The following TOMM20 variants were observed in gnomAD, a reference collection of about 807,000 sequenced individuals.
TOMM20 encodes mitochondrial import receptor subunit TOM20 homolog.
In TOMM20, 10 loss-of-function variants were observed where a neutral mutation model predicts 22.1. That is an observed-to-expected ratio of 0.45 (90% CI 0.28 to 0.77). The LOEUF (loss-of-function observed/expected upper bound fraction) is 0.77, where lower values mean the gene tolerates loss of function less well. Among genes scored for constraint, TOMM20 ranks in the 30% least tolerant of loss-of-function variants. TOMM20 has a pLI of 0.13. For missense variants in TOMM20, 121 were observed against 172.2 expected (o/e 0.70, Z 1.66); for synonymous variants, 55 against 61.4 (o/e 0.90, Z 0.49).
intron 1 of TOMM20, among the ~76,000 whole-genome samples, chr1:235,126,618 T>C (rs1319863314): frequency 2.6e-5 from 4 of 151,700 alleles, no homozygotes. Context: ...ACCTGGCCAA[T>C]ATGGTGAAAC....
chr1:235,127,707 T>C, intron 1 of TOMM20: 1 of 350,648 alleles, frequency 2.9e-6, no homozygotes, highest in Non-Finnish European at 5.8e-6. Flanking sequence ...GCAACAAATT[T>C]GCTCTTCAAT....
At chr1:235,124,880 T>C (rs534804035) in intron 1 of TOMM20, among the ~76,000 whole-genome samples, 2 of 152,330 alleles carry the variant, frequency 1.3e-5, no homozygotes, top group Non-Finnish European at 2.9e-5. Context: ...AAGGGACAGA[T>C]GGTAATCAAC....
chr1:235,126,081 AG>A (rs1661014009), intron 1 of TOMM20, among the ~76,000 whole-genome samples: 1 of 151,044 alleles, frequency 6.6e-6, no homozygotes, highest in African/African-American at 2.4e-5. Context: ...ATAGATAGAT[AG>A]ATAGATAAAG....
chr1:235,121,722 C>T (rs3935897), intron 2 of TOMM20, among the ~76,000 whole-genome samples: 20,929 of 152,218 alleles, frequency 0.14, 1,874 homozygotes, highest in Non-Finnish European at 0.19. Context: ...CAATGATTAA[C>T]ATTTACTTAA....
chr1:235,112,862 A>G (rs925546670), intron 4 of TOMM20, among the ~76,000 whole-genome samples: 1 of 152,236 alleles, frequency 6.6e-6, no homozygotes, highest in Non-Finnish European at 1.5e-5. Context: ...CGATGATTCC[A>G]GTATGAATCC....
chr1:235,113,479 A>G (rs771286234), intron 4 of TOMM20, among the ~76,000 whole-genome samples: 4 of 152,170 alleles, frequency 2.6e-5, no homozygotes, highest in Non-Finnish European at 5.9e-5. Context: ...CTACTTGTAG[A>G]AAGTAGCCAA....
chr1:235,125,896 C>T (rs530197082), intron 1 of TOMM20, among the ~76,000 whole-genome samples: 2 of 150,314 alleles, frequency 1.3e-5, no homozygotes, highest in South Asian at 2.1e-4. Context: ...ACTACAGGTG[C>T]GTGCCACCAC....
Position 235,128,670 on chromosome 1 carries a change from G to A in TOMM20, c.46C>T (p.Leu16Phe). 1 of 1,614,104 alleles carries A rather than the reference G, an allele frequency of 6.2e-7. No individual in the cohort carries two copies. The highest frequency in any genetic ancestry group is 1.7e-5 in the Admixed American group (1 of 60,038). The change falls in exon 1 of 5, where the codon CTT becomes TTT. Residue 16 changes from leucine (L) to phenylalanine (F), a missense_variant. By Grantham distance (22) the Leu-to-Phe change is conservative (BLOSUM62 0). Coordinates refer to ENST00000366607, the MANE Select transcript of TOMM20 (RefSeq NM_014765.3). The stretch of plus-strand genomic sequence containing the variant: ...AAGTAGATGCAGTACCCAATGAAAA[G>A]GGCCCCGCATACACCGGCGGCGATG... ...SAIAAGVCGALFIGYCIYFDR... is the reference protein window; with the variant it reads ...SAIAAGVCGAFFIGYCIYFDR...
intron 1 of TOMM20, among the ~76,000 whole-genome samples, chr1:235,127,607 C>A (rs4329572): frequency 0.71 from 108,645 of 152,182 alleles, 39,681 homozygotes; most frequent in African/African-American, 0.85. Context: ...TTCTTTGTAC[C>A]CCTTGGGCTT....
chr1:235,121,969 T>C (rs996941592), intron 2 of TOMM20, among the ~76,000 whole-genome samples: 2 of 152,186 alleles, frequency 1.3e-5, no homozygotes, highest in Admixed American at 6.5e-5. Flanking sequence ...TTACAGGAAG[T>C]TGGAGTAAAG....
chr1:235,124,845 AG>A lies in TOMM20; in HGVS notation c.122-2474del, dbSNP rs1285956470. Among the ~76,000 whole-genome samples the A allele has an allele frequency of 5.9e-5, 9 of 152,382 alleles. No homozygotes were observed. The East Asian group carries it at 1.5e-3, about 26-fold the overall frequency. On this transcript the variant is annotated intron_variant, in intron 1 of 4. Coordinates refer to ENST00000366607, the MANE Select transcript of TOMM20 (RefSeq NM_014765.3). ...ATTACATTAACATATTTTCAGATAT[AG>A]TATAATGCAGTATTTCTGTGATAAA... is the stretch of plus-strand genomic sequence containing the variant.
chr1:235,117,443 G>A lies in TOMM20; in HGVS notation c.250+2375C>T, dbSNP rs1660854378. ...ACTGCACTCCACCCACTGCACTCTG[G>A]GTGACAGAGTAAAACTCCACTTCAA... On this transcript the variant is annotated intron_variant, in intron 3 of 4. Transcript: ENST00000366607. 2.0e-5 allele frequency among the ~76,000 whole-genome samples: 3 copies of A among 150,138 alleles called. No individual in the cohort carries two copies. In the South Asian group the frequency reaches 6.3e-4, roughly 31 times the overall value.
In TOMM20 at chr1:235,122,430, G is replaced by T. The variant is rs939013587; in HGVS notation, c.122-58C>A. On this transcript the variant is annotated intron_variant, in intron 1 of 4. Transcript: ENST00000366607. ...GTCATTATAAAAATGGGAATCAAAA[G>T]AATTCTAACTGCTGTGGCAGTCATT... 1.1e-5 allele frequency: 16 copies of T among 1,479,804 alleles called. No homozygotes were observed. In the Admixed American group the frequency reaches 3.2e-4, roughly 30 times the overall value. The allele number at this position is 1,479,804 out of a possible 1,614,324, so 91.7% of individuals were successfully genotyped here. A position where few individuals can be genotyped will look rare whatever the true frequency, so the allele number is the denominator to read the frequency against.
At chr1:235,120,175 C>T (rs1312326146) in intron 2 of TOMM20, among the ~76,000 whole-genome samples, 3 of 152,196 alleles carry the variant, frequency 2.0e-5, no homozygotes, top group Non-Finnish European at 2.9e-5. Context: ...CGTCTACGCA[C>T]GTTACAATAT....
At chr1:235,119,152 G>A (rs67582306) in intron 3 of TOMM20, among the ~76,000 whole-genome samples, 1 of 152,168 alleles carries the variant, frequency 6.6e-6, no homozygotes, top group African/African-American at 2.4e-5. Context: ...TGAGATTATT[G>A]AGTAAATTAC....
rs1377425801 is a variant in TOMM20, at chr1:235,109,392, A to G, written c.*2672T>C. 6.6e-6 allele frequency: 1 copy of G among 152,264 alleles called. No homozygotes were observed. The highest frequency in any genetic ancestry group is 1.9e-4 in the East Asian group (1 of 5,204). 9.4% of individuals were successfully genotyped at this position (152,264 alleles called of 1,614,324 possible). On this transcript the variant is annotated 3_prime_UTR_variant, in exon 5 of 5. Coordinates refer to ENST00000366607, the MANE Select transcript of TOMM20 (RefSeq NM_014765.3). The stretch of plus-strand genomic sequence containing the variant: ...TTAAACAGTTGAGGCACAAGCAATA[A>G]TAAAACTGCATTTTTTACGTTACAA...
At chr1:235,120,106 G>GA (rs1558129451) in intron 2 of TOMM20, among the ~76,000 whole-genome samples, 4 of 152,180 alleles carry the variant, frequency 2.6e-5, no homozygotes, top group African/African-American at 9.7e-5. Context: ...GTTTGTAGTT[G>GA]AATAATTCTT....
Position 235,111,831 on chromosome 1 carries a change from T to G in TOMM20, c.*233A>C. On this transcript the variant is annotated 3_prime_UTR_variant, in exon 5 of 5. Transcript: ENST00000366607. Reference sequence around the variant, plus strand: ...AGGAATAAACAAAATCCATGATATTTTAGTAACTCATAGTGTATTTATAGA... The same window carrying G: ...AGGAATAAACAAAATCCATGATATTGTAGTAACTCATAGTGTATTTATAGA... 2.2e-6 allele frequency: 1 copy of G among 453,856 alleles called. No homozygotes were observed. The highest frequency in any genetic ancestry group is 3.9e-6 in the Non-Finnish European group (1 of 255,348). The allele number at this position is 453,856 out of a possible 1,614,324, so 28.1% of individuals were successfully genotyped here.
At chr1:235,119,302 A>G (rs1660890563) in intron 3 of TOMM20, 1 of 152,260 alleles carries the variant, frequency 6.6e-6, no homozygotes. Context: ...TGGATCAGAT[A>G]ACAAGTTGGT....
Sources: allele counts gnomAD v4.1 joint callset (sites outside exome capture counted in the v4.1 genomes callset), GRCh38; gene constraint gnomAD v4.1.1; transcripts MANE v1.5; gene names NCBI Gene and HGNC (gene_info 2026-07-23, HGNC 2026-07-21).